NRCAM: variants seen among roughly 807,000 people sequenced by gnomAD.
NRCAM encodes NgCAM-related cell adhesion molecule.
A neutral mutation model predicts 156.5 loss-of-function variants in NRCAM; 83 were observed. The observed-to-expected ratio is 0.53, with a 90% CI of 0.44 to 0.64. The LOEUF is 0.64. Among genes scored for constraint, NRCAM ranks in the 30% least tolerant of loss-of-function variants. NRCAM has a pLI of 0.00. For missense variants in NRCAM, 1,417 were observed against 1,597.3 expected (o/e 0.89, Z 1.92); for synonymous variants, 538 against 563.9 (o/e 0.95, Z 0.65).
At chr7:108,392,697 G>A (rs937656947) in intron 2 of NRCAM, among the ~76,000 whole-genome samples, 5 of 152,174 alleles carry the variant, frequency 3.3e-5, no homozygotes, top group Admixed American at 3.3e-4. Flanking sequence ...CATCTTTGTG[G>A]TTTTATCTAC....
At chr7:108,206,979 CT>C (rs1377925875) in intron 13 of NRCAM, among the ~76,000 whole-genome samples, 7 of 152,270 alleles carry the variant, frequency 4.6e-5, no homozygotes, top group Non-Finnish European at 8.8e-5. Flanking sequence ...GTAAAGCATC[CT>C]GCATACGATC....
At position 108,150,004 on chromosome 7, in the gene NRCAM, C is replaced by T. The variant is rs763304386; in HGVS notation, c.3821G>A (p.Gly1274Glu). 1 of 1,614,082 alleles carries T rather than the reference C, an allele frequency of 6.2e-7. No homozygotes were observed. Among genetic ancestry groups the T allele is most frequent in the East Asian group, 2.2e-5 (1 of 44,882 alleles). ...TTTCTCTTTCTTACCACTGTATTGTCCAATAAAGGAGCCATCCTCATTGAA... is the reference window on the plus strand; with the variant it reads ...TTTCTCTTTCTTACCACTGTATTGTTCAATAAAGGAGCCATCCTCATTGAA... Reference protein sequence around the residue: ...GQFNEDGSFIGQYSGKKEKEP... With the variant: ...GQFNEDGSFIEQYSGKKEKEP... The change falls in exon 33 of 33, where the codon GGA (glycine) becomes GAA (glutamate). Residue 1274 changes from glycine (G) to glutamate (E), a missense_variant. Around this residue, in one of 2 missense-constraint regions of NRCAM, gnomAD observed 179 missense variants for 260.9 expected, o/e 0.69. Coordinates refer to ENST00000379028, the MANE Select transcript of NRCAM (RefSeq NM_001037132.4).
At chr7:108,248,204 C>T (rs1196552789) in intron 3 of NRCAM, among the ~76,000 whole-genome samples, 2 of 152,128 alleles carry the variant, frequency 1.3e-5, no homozygotes, top group African/African-American at 4.8e-5. Flanking sequence ...ATATTCTAAA[C>T]ATGCTATACC....
At chr7:108,154,217 C>T (rs905269188) in intron 32 of NRCAM, among the ~76,000 whole-genome samples, 2 of 152,064 alleles carry the variant, frequency 1.3e-5, no homozygotes, top group Non-Finnish European at 2.9e-5. Context: ...CAGAGATAGA[C>T]AGATTGACCA....
At chr7:108,160,567 A>G in intron 30 of NRCAM, 75 bp from the exon 31 acceptor site, 1 of 1,391,668 alleles carries the variant, frequency 7.2e-7, no homozygotes, top group Non-Finnish European at 9.7e-7. Flanking sequence ...CTCAGAGTAA[A>G]AAATTGCCAC....
At chr7:108,337,977 C>T (rs1374942264) in intron 2 of NRCAM, among the ~76,000 whole-genome samples, 4 of 152,192 alleles carry the variant, frequency 2.6e-5, no homozygotes, top group Non-Finnish European at 5.9e-5. Context: ...GCGTGGCCTC[C>T]GGACTTAAGA....
At chr7:108,270,984 A>C (rs1251810981) in intron 3 of NRCAM, among the ~76,000 whole-genome samples, 1 of 152,244 alleles carries the variant, frequency 6.6e-6, no homozygotes, top group Non-Finnish European at 1.5e-5. Context: ...ACTTAATGCT[A>C]CAGAACTATA....
chr7:108,246,102 G>T (rs1220616544), intron 3 of NRCAM, among the ~76,000 whole-genome samples: 1 of 152,190 alleles, frequency 6.6e-6, no homozygotes, highest in Non-Finnish European at 1.5e-5. Context: ...AGGAAAGATG[G>T]TTGGGGAAAA....
intron 8 of NRCAM, 43 bp from the exon 9 acceptor site, chr7:108,226,421 G>T: frequency 1.4e-6 from 2 of 1,448,232 alleles, no homozygotes; most frequent in South Asian, 1.2e-5. Context: ...CCATCATAAA[G>T]TGGCTACCCT....
chr7:108,151,830 G>A (rs1460815958), intron 32 of NRCAM, among the ~76,000 whole-genome samples: 4 of 152,142 alleles, frequency 2.6e-5, no homozygotes, highest in Non-Finnish European at 5.9e-5. Flanking sequence ...CAGCTGAAGA[G>A]TTCAATAACA....
At chr7:108,274,289 G>A (rs1300704439) in intron 3 of NRCAM, among the ~76,000 whole-genome samples, 2 of 152,216 alleles carry the variant, frequency 1.3e-5, no homozygotes, top group Non-Finnish European at 2.9e-5. Flanking sequence ...GTCAGTGTTA[G>A]TTTGATAGGG....
chr7:108,191,413 A>G, intron 18 of NRCAM, 130 bp from the exon 19 acceptor site: 1 of 704,464 alleles, frequency 1.4e-6, no homozygotes, highest in Non-Finnish European at 2.3e-6. Flanking sequence ...GCTGTGAGAC[A>G]CAGCATTGAT....
chr7:108,301,612 C>A (rs913735690), intron 3 of NRCAM, among the ~76,000 whole-genome samples: 1 of 151,850 alleles, frequency 6.6e-6, no homozygotes, highest in Non-Finnish European at 1.5e-5. Context: ...GATTTTTTTT[C>A]TTTTGCTTAT....
At chr7:108,255,927 C>T (rs1393738957) in intron 3 of NRCAM, among the ~76,000 whole-genome samples, 16 of 147,388 alleles carry the variant, frequency 1.1e-4, no homozygotes, top group East Asian at 2.0e-4. Flanking sequence ...GGGCAGCCCC[C>T]ACCCAGCCAG....
chr7:108,197,866 T>G, intron 14 of NRCAM, 90 bp downstream of exon 14: 2 of 965,376 alleles, frequency 2.1e-6, no homozygotes, highest in Non-Finnish European at 3.0e-6. Flanking sequence ...TTGCACATAG[T>G]AGATGCTCAA....
rs778268680 is a variant in NRCAM at position 108,283,334 on chromosome 7, G to A, written c.-107+29331C>T. 3.3e-5 allele frequency among the ~76,000 whole-genome samples: 5 copies of A among 152,288 alleles called. No individual in the cohort carries two copies. In the East Asian group the frequency reaches 5.8e-4, roughly 18 times the overall value. On this transcript the variant is annotated intron_variant, in intron 3 of 32. Transcript: ENST00000379028. ...CTAAGCAGAAAGTACAATTACATGA[G>A]TGATCATAATATTTGGTAGAAAGTG...
chr7:108,309,559 A>C (rs1281891296), intron 3 of NRCAM, among the ~76,000 whole-genome samples: 1 of 152,148 alleles, frequency 6.6e-6, no homozygotes, highest in African/African-American at 2.4e-5. Flanking sequence ...TTTACTGTTA[A>C]ATTGTATTAA....
chr7:108,416,586 TAA>T lies in NRCAM; in HGVS notation c.-331-16995_-331-16994del, dbSNP rs55710629. On this transcript the variant is annotated intron_variant, in intron 1 of 32. Transcript: ENST00000379028. ...CTACTTCGGGAAAGAGACAAATAATTAAAAAAAAAAAGTCTTCCTTAACTAGA... is the reference window on the plus strand; with the variant it reads ...CTACTTCGGGAAAGAGACAAATAATTAAAAAAAAAGTCTTCCTTAACTAGA... Among the ~76,000 whole-genome samples the T allele has an allele frequency of 1.1e-4, 16 of 151,492 alleles. 1 individual carries two copies. In the East Asian group the frequency reaches 1.9e-3, roughly 18 times the overall value.
At chr7:108,250,635 G>A (rs1396286723) in intron 3 of NRCAM, among the ~76,000 whole-genome samples, 1 of 151,192 alleles carries the variant, frequency 6.6e-6, no homozygotes, top group Non-Finnish European at 1.5e-5. Flanking sequence ...TGGAAATGGG[G>A]ATGGTTATTA....
Sources: gnomAD v4.1 joint callset for allele counts (sites outside exome capture counted in the v4.1 genomes callset) on GRCh38, gnomAD v4.1.1 for gene constraint, gnomAD v4.1.1 regional missense constraint, MANE v1.5 for transcripts, NCBI Gene and HGNC (gene_info 2026-07-23, HGNC 2026-07-21) for gene names.